Variants in ERCC8 observed in about 807,000 individuals in gnomAD.
ERCC8 encodes the protein ERCC excision repair 8, CSA ubiquitin ligase complex subunit, also known as DNA excision repair protein ERCC-8.
Under a neutral mutation model 54.9 loss-of-function variants are expected in ERCC8, and 52 were observed. That is an observed-to-expected ratio of 0.95 (90% CI 0.76 to 1.19). The LOEUF (loss-of-function observed/expected upper bound fraction) is 1.19, where lower values mean the gene tolerates loss of function less well. Ranked by LOEUF, ERCC8 falls within the 50% of genes most tolerant of loss-of-function variation. The pLI, the probability that ERCC8 is intolerant of heterozygous loss-of-function variation, is 0.00. For synonymous variants in ERCC8, 146 were observed against 157.2 expected (o/e 0.93, Z 0.53); for missense variants, 514 against 466.1 (o/e 1.10, Z -0.95).
chr5:60,898,143 A>G (rs1297741441), intron 9 of ERCC8, 133 bp downstream of exon 9: 3 of 1,002,848 alleles, frequency 3.0e-6, no homozygotes, highest in South Asian at 3.1e-5. Context: ...ACTAGTCCAC[A>G]TAGTAGAAAC....
At chr5:60,891,506 G>T (rs1446603711) in intron 9 of ERCC8, among the ~76,000 whole-genome samples, 1 of 151,764 alleles carries the variant, frequency 6.6e-6, no homozygotes. Flanking sequence ...AATATTTTTT[G>T]GGGGGTGTAT....
At chr5:60,926,749 T>G (rs941734943) in intron 2 of ERCC8, among the ~76,000 whole-genome samples, 3 of 152,216 alleles carry the variant, frequency 2.0e-5, no homozygotes, top group African/African-American at 7.2e-5. Flanking sequence ...CCAAAACACT[T>G]TTGCTTCGTA....
intron 10 of ERCC8, among the ~76,000 whole-genome samples, chr5:60,888,885 T>A (rs1748470713): frequency 6.6e-6 from 1 of 152,228 alleles, no homozygotes. Context: ...AAAGACCACA[T>A]TCATGTTTCA....
At chr5:60,894,899 G>A (rs538383560) in intron 9 of ERCC8, among the ~76,000 whole-genome samples, 7 of 152,102 alleles carry the variant, frequency 4.6e-5, no homozygotes, top group Non-Finnish European at 1.0e-4. Flanking sequence ...TCGGCTGGGC[G>A]TGGTCTCACT....
At chr5:60,918,129 C>T (rs1157854296) in intron 4 of ERCC8, 136 bp downstream of exon 4, 5 of 707,422 alleles carry the variant, frequency 7.1e-6, no homozygotes, top group Non-Finnish European at 1.2e-5. Flanking sequence ...CTCAAGTAGT[C>T]TAGCTCTTCT....
At chr5:60,921,923 G>A in intron 3 of ERCC8, 131 bp downstream of exon 3, 3 of 538,536 alleles carry the variant, frequency 5.6e-6, no homozygotes, top group East Asian at 3.1e-5. Context: ...TCAAGGAACA[G>A]CCATGCAAAT....
intron 1 of ERCC8, among the ~76,000 whole-genome samples, chr5:60,933,962 C>T (rs1749988450): frequency 6.6e-6 from 1 of 152,126 alleles, no homozygotes; most frequent in Non-Finnish European, 1.5e-5. Flanking sequence ...CACACAACCA[C>T]ATTTTCTTTA....
At position 60,928,946 on chromosome 5, in the gene ERCC8, C is replaced by T. The variant is rs535619924; in HGVS notation, c.91G>A (p.Glu31Lys). ...AESTRRVLGL[E>K]LNKDRDVERI... ...TCAACATCTCTGTCTTTATTTAATT[C>T]CAGTCCCAAAACTCTTAAAAATAAA... Residue 31 changes from glutamate to lysine, a missense_variant, in exon 2 of 12, where the codon GAA (glutamate) becomes AAA (lysine). By Grantham distance (56) the Glu-to-Lys change is moderately conservative. Coordinates refer to ENST00000676185, the MANE Select transcript of ERCC8 (RefSeq NM_000082.4). The T allele has an allele frequency of 3.1e-6, 5 of 1,597,340 alleles. No individual in the cohort carries two copies. The African/African-American group carries it at 6.7e-5, about 21-fold the overall frequency.
chr5:60,908,224 T>C (rs532117330), intron 4 of ERCC8, among the ~76,000 whole-genome samples: 40 of 152,282 alleles, frequency 2.6e-4, no homozygotes, highest in African/African-American at 9.4e-4. Flanking sequence ...TCAGATTTTT[T>C]TTTTTTTGGT....
At chr5:60,935,057 T>G (rs749582731) in intron 1 of ERCC8, among the ~76,000 whole-genome samples, 1 of 152,206 alleles carries the variant, frequency 6.6e-6, no homozygotes, top group Non-Finnish European at 1.5e-5. Flanking sequence ...GGCTCTTTTT[T>G]CCTAGTTCTG....
In ERCC8 at chr5:60,869,338, G is replaced by A. The variant is rs1747816672; in HGVS notation, c.*5277C>T. On this transcript the variant is annotated 3_prime_UTR_variant, in exon 12 of 12. Transcript: ENST00000676185. ...TTTGAAAAATAATTGAGATTAGTTT[G>A]CTGATGCAATATTTTTCTACCACTG... Among the ~76,000 whole-genome samples the A allele has an allele frequency of 6.6e-6, 1 of 152,074 alleles. No homozygotes were observed. The highest frequency in any genetic ancestry group is 6.5e-5 in the Admixed American group (1 of 15,272).
intron 1 of ERCC8, among the ~76,000 whole-genome samples, chr5:60,933,970 T>G (rs1749988694): frequency 6.6e-6 from 1 of 151,626 alleles, no homozygotes; most frequent in Admixed American, 6.6e-5. Flanking sequence ...CACATTTTCT[T>G]TATCCACTTG....
chr5:60,883,908 A>G (rs1174241557), intron 11 of ERCC8, among the ~76,000 whole-genome samples: 3 of 152,224 alleles, frequency 2.0e-5, no homozygotes, highest in Non-Finnish European at 4.4e-5. Flanking sequence ...ATTTATAGTT[A>G]AAGACCATAA....
Position 60,891,039 on chromosome 5 carries a change from G to A in ERCC8, c.891C>T (p.Phe297=), listed in dbSNP as rs1275705699. 1.2e-6 allele frequency: 2 copies of A among 1,613,050 alleles called. No individual in the cohort carries two copies. Among genetic ancestry groups the A allele is most frequent in the South Asian group, 2.2e-5 (2 of 91,044 alleles). The change falls in exon 10 of 12, where the codon TTC becomes TTT. Residue 297 remains phenylalanine (F), a synonymous_variant. Coordinates refer to ENST00000676185, the MANE Select transcript of ERCC8 (RefSeq NM_000082.4). ...CTGAACTGCAGCCACAGGAGACAGTGAATTTCAATCCTTTTTTACTGTTAT... is the reference window on the plus strand; with the variant it reads ...CTGAACTGCAGCCACAGGAGACAGTAAATTTCAATCCTTTTTTACTGTTAT... ...VCNNSKKGLK[F]TVSCGCSSEF... is the part of the protein sequence containing the mutation.
intron 4 of ERCC8, among the ~76,000 whole-genome samples, chr5:60,905,161 G>C (rs906640349): frequency 6.6e-6 from 1 of 152,106 alleles, no homozygotes; most frequent in Non-Finnish European, 1.5e-5. Context: ...CACCCTGGTG[G>C]GGAGGGGGCT....
chr5:60,925,799 T>C (rs916799915), intron 2 of ERCC8, among the ~76,000 whole-genome samples: 4 of 152,180 alleles, frequency 2.6e-5, no homozygotes, highest in Admixed American at 1.3e-4. Context: ...TAGAGGAACA[T>C]TAAAAACTGC....
At chr5:60,892,320 T>C in intron 9 of ERCC8, 1 of 557,800 alleles carries the variant, frequency 1.8e-6, no homozygotes, top group Admixed American at 1.9e-5. Flanking sequence ...AGTGGGTCTG[T>C]GTCACCCAAT....
At chr5:60,875,894 T>C (rs1579979370) in intron 11 of ERCC8, among the ~76,000 whole-genome samples, 1 of 48,010 alleles carries the variant, frequency 2.1e-5, no homozygotes, top group Non-Finnish European at 4.2e-5. Context: ...TTATTTTTTC[T>C]TTTTTTTATT....
intron 11 of ERCC8, among the ~76,000 whole-genome samples, chr5:60,878,600 G>T (rs896613891): frequency 6.6e-6 from 1 of 152,174 alleles, no homozygotes; most frequent in Non-Finnish European, 1.5e-5. Context: ...TTAGTCTTGG[G>T]AGGGTGTATG....
Sources: allele counts gnomAD v4.1 joint callset (sites outside exome capture counted in the v4.1 genomes callset), GRCh38; gene constraint gnomAD v4.1.1; transcripts MANE v1.5; gene names NCBI Gene and HGNC (gene_info 2026-07-23, HGNC 2026-07-21).